CTNNA2: variants seen among roughly 807,000 people sequenced by gnomAD.
The protein encoded by CTNNA2 is catenin alpha-2.
Under a neutral mutation model 101.0 loss-of-function variants are expected in CTNNA2, and 42 were observed. The ratio of observed to expected loss-of-function variants is 0.42; its 90% CI spans 0.32 to 0.54. CTNNA2 has a LOEUF of 0.54. CTNNA2 is among the 20% of genes least tolerant of loss of function. CTNNA2 has a pLI of 0.14. For missense variants in CTNNA2, 871 were observed against 1,223.1 expected (o/e 0.71, Z 4.29); for synonymous variants, 450 against 456.4 (o/e 0.99, Z 0.18).
chr2:80,278,825 T>C (rs1278108096), intron 7 of CTNNA2, among the ~76,000 whole-genome samples: 1 of 151,702 alleles, frequency 6.6e-6, no homozygotes, highest in Non-Finnish European at 1.5e-5. Context: ...AAAATATATA[T>C]ATATCAGTTG....
intron 3 of CTNNA2, among the ~76,000 whole-genome samples, chr2:79,806,054 T>C (rs1676548124): frequency 1.3e-5 from 2 of 151,604 alleles, no homozygotes; most frequent in Admixed American, 1.3e-4. Flanking sequence ...TTCCATATGG[T>C]GTCAGTATAA....
At chr2:79,626,643 G>GTT (rs1447783494) in intron 1 of CTNNA2, among the ~76,000 whole-genome samples, 2 of 146,454 alleles carry the variant, frequency 1.4e-5, no homozygotes, top group Non-Finnish European at 3.1e-5. Context: ...GTGTGTGTGT[G>GTT]TGTGTGTGTG....
intron 4 of CTNNA2, among the ~76,000 whole-genome samples, chr2:79,864,875 T>A (rs2103990426): frequency 6.6e-6 from 1 of 152,290 alleles, no homozygotes; most frequent in African/African-American, 2.4e-5. Context: ...CCGATTTCAG[T>A]CTCTACCGGA....
chr2:79,746,316 C>G (rs1671643839), intron 3 of CTNNA2, among the ~76,000 whole-genome samples: 1 of 152,080 alleles, frequency 6.6e-6, no homozygotes, highest in Admixed American at 6.6e-5. Flanking sequence ...AGCATCTTAT[C>G]AGACAGTGAT....
intron 7 of CTNNA2, among the ~76,000 whole-genome samples, chr2:80,079,750 C>T (rs950810558): frequency 2.0e-5 from 3 of 151,366 alleles, no homozygotes; most frequent in Non-Finnish European, 4.4e-5. Context: ...GGAGGCGGAG[C>T]TTGCAGTGAG....
chr2:79,719,036 C>T (rs551276242), intron 2 of CTNNA2, among the ~76,000 whole-genome samples: 1 of 152,214 alleles, frequency 6.6e-6, no homozygotes, highest in East Asian at 1.9e-4. Context: ...CATCCTTCCT[C>T]CCGCCCTTCC....
intron 4 of CTNNA2, among the ~76,000 whole-genome samples, chr2:79,394,964 T>C (rs183166799): frequency 5.9e-5 from 9 of 152,222 alleles, no homozygotes; most frequent in Admixed American, 5.2e-4. Flanking sequence ...CTCTTTGGGT[T>C]TGTGCAAACC....
chr2:79,286,631 T>G (rs903821638), intron 2 of CTNNA2, among the ~76,000 whole-genome samples: 3 of 152,236 alleles, frequency 2.0e-5, no homozygotes, highest in African/African-American at 7.2e-5. Context: ...CTGCTGTTAG[T>G]CTAATGGGCT....
chr2:79,853,229 C>T (rs1680867656), intron 3 of CTNNA2, among the ~76,000 whole-genome samples: 1 of 152,092 alleles, frequency 6.6e-6, no homozygotes, highest in Non-Finnish European at 1.5e-5. Flanking sequence ...TGATAGTTCA[C>T]TGCAGCCTCA....
intron 4 of CTNNA2, among the ~76,000 whole-genome samples, chr2:79,427,620 AT>A (rs1678606678): frequency 7.5e-6 from 1 of 132,806 alleles, no homozygotes. Context: ...TTTCTTTAAT[AT>A]TAAAAAAAAA....
intron 4 of CTNNA2, among the ~76,000 whole-genome samples, chr2:79,486,829 C>G (rs1671163223): frequency 6.6e-6 from 1 of 152,100 alleles, no homozygotes; most frequent in South Asian, 2.1e-4. Flanking sequence ...AATGATTATA[C>G]CGACAAGCTG....
intron 2 of CTNNA2, among the ~76,000 whole-genome samples, chr2:79,727,255 T>C (rs1282581862): frequency 6.6e-6 from 1 of 152,188 alleles, no homozygotes; most frequent in Non-Finnish European, 1.5e-5. Context: ...ATTGAAAGCT[T>C]GTTAAAAACA....
At chr2:80,484,474 A>G (rs1392161050) in intron 9 of CTNNA2, among the ~76,000 whole-genome samples, 1 of 152,192 alleles carries the variant, frequency 6.6e-6, no homozygotes, top group Admixed American at 6.5e-5. Flanking sequence ...CGAAAAAGGA[A>G]TATGATTGAA....
intron 7 of CTNNA2, among the ~76,000 whole-genome samples, chr2:79,931,764 C>T (rs1052626829): frequency 6.6e-6 from 1 of 151,910 alleles, no homozygotes; most frequent in African/African-American, 2.4e-5. Flanking sequence ...GGCAGACAAC[C>T]ACAAAAATAC....
chr2:80,121,770 C>T lies in CTNNA2; in HGVS notation c.1056+211973C>T, dbSNP rs150835101. Among the ~76,000 whole-genome samples the T allele has an allele frequency of 7.2e-3, 1,103 of 152,202 alleles. 6 individuals are homozygous for T. The highest frequency in any genetic ancestry group is 9.2e-3 in the Non-Finnish European group (627 of 68,014). On this transcript the variant is annotated intron_variant, in intron 7 of 18. Transcript: ENST00000402739. ...TGTAATTCCAAAGTAAAATCTAACC[C>T]GGATGAATCAACCCCATAGAAGATT...
chr2:79,445,420 T>G (rs2104522239), intron 4 of CTNNA2, among the ~76,000 whole-genome samples: 1 of 152,326 alleles, frequency 6.6e-6, no homozygotes, highest in African/African-American at 2.4e-5. Context: ...TTTCTTCTCC[T>G]TCTTATCTGT....
chr2:80,083,741 A>T (rs535342915), intron 7 of CTNNA2, among the ~76,000 whole-genome samples: 4 of 152,216 alleles, frequency 2.6e-5, no homozygotes, highest in African/African-American at 4.8e-5. Flanking sequence ...GCTATTTCTT[A>T]CTTCCTATAT....
At chr2:79,663,352 T>A (rs949043232) in intron 2 of CTNNA2, among the ~76,000 whole-genome samples, 8 of 152,252 alleles carry the variant, frequency 5.3e-5, no homozygotes, top group African/African-American at 1.9e-4. Context: ...CAAATGATTT[T>A]CATTGCATTT....
intron 7 of CTNNA2, among the ~76,000 whole-genome samples, chr2:79,954,803 T>G (rs1689114069): frequency 6.6e-6 from 1 of 152,160 alleles, no homozygotes; most frequent in African/African-American, 2.4e-5. Context: ...GACCTGTGGG[T>G]TTTTTTCTTT....
Sources: gnomAD v4.1 joint callset for allele counts (sites outside exome capture counted in the v4.1 genomes callset) on GRCh38, gnomAD v4.1.1 for gene constraint, MANE v1.5 for transcripts, NCBI Gene and HGNC (gene_info 2026-07-23, HGNC 2026-07-21) for gene names.